Variants in DEUP1 observed in about 807,000 individuals in gnomAD.
The protein encoded by DEUP1 is coiled-coil domain containing 67.
In DEUP1, 82 loss-of-function variants were observed where a neutral mutation model predicts 87.4. That is an observed-to-expected ratio of 0.94 (90% CI 0.78 to 1.13). The LOEUF (loss-of-function observed/expected upper bound fraction) is 1.13, where lower values mean the gene tolerates loss of function less well. Ranked by LOEUF, DEUP1 falls within the 50% of genes most tolerant of loss-of-function variation. DEUP1 has a pLI of 0.00. For missense variants in DEUP1, 663 were observed against 681.5 expected, an observed-to-expected ratio of 0.97 and a Z score of 0.30; for synonymous variants, 214 against 222.7, an observed-to-expected ratio of 0.96 and a Z score of 0.35.
At chr11:93,358,892 T>A (rs1240138673) in intron 4 of DEUP1, among the ~76,000 whole-genome samples, 1 of 152,178 alleles carries the variant, frequency 6.6e-6, no homozygotes, top group Non-Finnish European at 1.5e-5. Context: ...CTCTTCTCTT[T>A]TTTTAAGCTA....
At chr11:93,419,219 G>C (rs2134465083) in intron 13 of DEUP1, among the ~76,000 whole-genome samples, 1 of 151,176 alleles carries the variant, frequency 6.6e-6, no homozygotes, top group Middle Eastern at 3.4e-3. Flanking sequence ...GGCTTGGATA[G>C]CAGCAAGACA....
At chr11:93,373,640 T>TAC (rs1945880325) in intron 7 of DEUP1, among the ~76,000 whole-genome samples, 1 of 142,358 alleles carries the variant, frequency 7.0e-6, no homozygotes, top group South Asian at 2.3e-4. Flanking sequence ...TATATATATA[T>TAC]ATATATATAT....
chr11:93,364,344 ATTG>A, intron 5 of DEUP1, 50 bp downstream of exon 5: 1 of 1,527,234 alleles, frequency 6.5e-7, no homozygotes. Context: ...ATTGATTCCT[ATTG>A]TTGTGGGCTA....
At chr11:93,345,227 A>T (rs986905669) in intron 2 of DEUP1, among the ~76,000 whole-genome samples, 1 of 152,204 alleles carries the variant, frequency 6.6e-6, no homozygotes, top group Non-Finnish European at 1.5e-5. Context: ...CATGGTATAT[A>T]TGAACCACAT....
At chr11:93,368,706 G>A (rs1333046062) in intron 5 of DEUP1, among the ~76,000 whole-genome samples, 5 of 152,196 alleles carry the variant, frequency 3.3e-5, no homozygotes, top group Admixed American at 6.5e-5. Context: ...GGAGGCTGAG[G>A]CAGGCAGATC....
At chr11:93,399,651 T>G (rs1947057251) in intron 11 of DEUP1, among the ~76,000 whole-genome samples, 1 of 151,828 alleles carries the variant, frequency 6.6e-6, no homozygotes, top group African/African-American at 2.4e-5. Context: ...AATATTTTCC[T>G]TTTTTCAATA....
intron 13 of DEUP1, among the ~76,000 whole-genome samples, chr11:93,433,584 T>TCCTTTA (rs1402412275): frequency 1.1e-4 from 16 of 152,220 alleles, no homozygotes; most frequent in Admixed American, 3.3e-4. Context: ...CTTAATGGCT[T>TCCTTTA]CCTTTACCTT....
At chr11:93,360,621 A>G (rs140638183) in intron 4 of DEUP1, among the ~76,000 whole-genome samples, 3 of 152,288 alleles carry the variant, frequency 2.0e-5, no homozygotes, top group African/African-American at 7.2e-5. Context: ...TAGAAATTTT[A>G]TAACTGAAAA....
At chr11:93,356,652 G>T (rs1944912976) in intron 3 of DEUP1, among the ~76,000 whole-genome samples, 1 of 152,094 alleles carries the variant, frequency 6.6e-6, no homozygotes, top group Admixed American at 6.5e-5. Flanking sequence ...TGATGACATA[G>T]CCTCCCAAAA....
At chr11:93,388,953 C>T in intron 8 of DEUP1, 67 bp from the exon 9 acceptor site, 1 of 897,452 alleles carries the variant, frequency 1.1e-6, no homozygotes, top group Non-Finnish European at 1.7e-6. Flanking sequence ...TCTAAATTAA[C>T]AATATAATCG....
chr11:93,362,216 T>G (rs1360134153), intron 4 of DEUP1, among the ~76,000 whole-genome samples: 2 of 152,030 alleles, frequency 1.3e-5, no homozygotes, highest in Non-Finnish European at 2.9e-5. Flanking sequence ...ACAAATTTGA[T>G]GTCATTAAAA....
At chr11:93,429,888 G>C (rs1020748671) in intron 13 of DEUP1, among the ~76,000 whole-genome samples, 1 of 152,092 alleles carries the variant, frequency 6.6e-6, no homozygotes, top group Non-Finnish European at 1.5e-5. Flanking sequence ...TAGGAACTGG[G>C]CATGGGGAAC....
At chr11:93,405,437 T>C (rs1390579781) in intron 11 of DEUP1, among the ~76,000 whole-genome samples, 2 of 151,992 alleles carry the variant, frequency 1.3e-5, no homozygotes, top group Non-Finnish European at 2.9e-5. Context: ...ATACCTTCAA[T>C]GGCCTTCCTT....
At chr11:93,390,444 T>A (rs960998399) in intron 9 of DEUP1, among the ~76,000 whole-genome samples, 4 of 152,164 alleles carry the variant, frequency 2.6e-5, no homozygotes, top group Non-Finnish European at 4.4e-5. Flanking sequence ...GTGTTATGAA[T>A]CAGTGATCAT....
intron 12 of DEUP1, among the ~76,000 whole-genome samples, chr11:93,414,671 T>C (rs2134444249): frequency 6.6e-6 from 1 of 152,244 alleles, no homozygotes; most frequent in Admixed American, 6.5e-5. Flanking sequence ...TTTGGAGACT[T>C]TTCTCAAACT....
chr11:93,412,557 G>A (rs866684406), intron 12 of DEUP1, among the ~76,000 whole-genome samples: 62 of 152,090 alleles, frequency 4.1e-4, no homozygotes, highest in African/African-American at 1.4e-3. Context: ...CTATATAAAT[G>A]TTAGTAATTA....
chr11:93,350,801 A>T (rs547604663), intron 2 of DEUP1, among the ~76,000 whole-genome samples: 12 of 151,750 alleles, frequency 7.9e-5, no homozygotes, highest in African/African-American at 2.9e-4. Context: ...AATAGAAAAA[A>T]AAAAATTAGC....
intron 11 of DEUP1, among the ~76,000 whole-genome samples, chr11:93,403,572 T>A (rs1245881471): frequency 1.3e-5 from 2 of 151,864 alleles, no homozygotes; most frequent in Admixed American, 6.6e-5. Flanking sequence ...ATGCTCTCTA[T>A]TTTTTGTCTT....
chr11:93,392,965 C>CT (rs1350877294), intron 9 of DEUP1, among the ~76,000 whole-genome samples: 2 of 133,274 alleles, frequency 1.5e-5, no homozygotes, highest in African/African-American at 2.6e-5. Flanking sequence ...CTTCCTCCTC[C>CT]TCTTCCTCCT....
Sources: allele counts gnomAD v4.1 joint callset (sites outside exome capture counted in the v4.1 genomes callset), GRCh38; gene constraint gnomAD v4.1.1; transcripts MANE v1.5; gene names NCBI Gene and HGNC (gene_info 2026-07-23, HGNC 2026-07-21).